Variants in COG5 observed in about 807,000 individuals in gnomAD.
The protein encoded by COG5 is component of oligomeric golgi complex 5.
In COG5, 86 loss-of-function variants were observed where a neutral mutation model predicts 110.4. The observed-to-expected ratio is 0.78, with a 90% CI of 0.65 to 0.93. COG5 has a LOEUF of 0.93. Among genes scored for constraint, COG5 ranks in the 40% least tolerant of loss-of-function variants. COG5 has a pLI of 0.00. For missense variants in COG5, 1,077 were observed against 987.0 expected (o/e 1.09, Z -1.22); for synonymous variants, 360 against 334.6 (o/e 1.08, Z -0.83).
At chr7:107,437,827 C>A (rs1456854810) in intron 6 of COG5, among the ~76,000 whole-genome samples, 1 of 152,140 alleles carries the variant, frequency 6.6e-6, no homozygotes. Flanking sequence ...CCAATATCCA[C>A]TTTCCCCTTG....
intron 11 of COG5, among the ~76,000 whole-genome samples, chr7:107,300,802 G>GA (rs1224062664): frequency 1.3e-5 from 2 of 151,954 alleles, no homozygotes; most frequent in Non-Finnish European, 2.9e-5. Flanking sequence ...AGTAGAAATT[G>GA]AAAAAATGAT....
intron 6 of COG5, among the ~76,000 whole-genome samples, chr7:107,424,016 T>TA (rs1584805424): frequency 6.6e-6 from 1 of 152,150 alleles, no homozygotes; most frequent in Non-Finnish European, 1.5e-5. Context: ...CTCACATCCA[T>TA]AATCCTGACA....
chr7:107,212,336 T>C lies in COG5; in HGVS notation c.2169-1111A>G, dbSNP rs186454803. ...ATAAAGCTCCAAACCAGACATTCCA[T>C]GAGAAGACGACTAAGGTCTTATGGC... On this transcript the variant is annotated intron_variant, in intron 19 of 21. Coordinates refer to ENST00000297135, the MANE Select transcript of COG5 (RefSeq NM_006348.5). Among the ~76,000 whole-genome samples, 53 of 152,338 alleles carry C rather than the reference T, an allele frequency of 3.5e-4. 1 individual carries two copies. The East Asian group carries it at 0.01, about 29-fold the overall frequency.
chr7:107,313,037 G>C (rs796246796), intron 11 of COG5, among the ~76,000 whole-genome samples: 3 of 152,224 alleles, frequency 2.0e-5, no homozygotes, highest in African/African-American at 4.8e-5. Flanking sequence ...GTGAGGCTTA[G>C]GAAACAAAAG....
intron 21 of COG5, chr7:107,210,082 A>T (rs1481772661): frequency 1.9e-6 from 2 of 1,040,008 alleles, no homozygotes; most frequent in East Asian, 1.5e-4. Context: ...ATGGTATCCA[A>T]GTGGCTGCTG....
intron 21 of COG5, 166 bp downstream of exon 21, chr7:107,210,360 A>G (rs980684733): frequency 5.6e-6 from 8 of 1,437,666 alleles, no homozygotes; most frequent in African/African-American, 2.9e-5. Flanking sequence ...AACATTTCCA[A>G]CTGCTGGTTG....
At chr7:107,212,862 C>G (rs531756237) in intron 19 of COG5, among the ~76,000 whole-genome samples, 1 of 152,342 alleles carries the variant, frequency 6.6e-6, no homozygotes, top group South Asian at 2.1e-4. Context: ...TCCCACTCCT[C>G]CAAGTCAGCA....
At chr7:107,244,485 T>G (rs1801894567) in intron 17 of COG5, among the ~76,000 whole-genome samples, 1 of 151,822 alleles carries the variant, frequency 6.6e-6, no homozygotes. Context: ...AGAGCTGAAC[T>G]GAGGAAAACA....
intron 5 of COG5, among the ~76,000 whole-genome samples, chr7:107,544,510 G>A (rs1337508472): frequency 6.6e-6 from 1 of 152,178 alleles, no homozygotes; most frequent in African/African-American, 2.4e-5. Flanking sequence ...ATAGTCTGCA[G>A]ACCAAACCTC....
At chr7:107,478,964 G>C (rs752733507) in intron 6 of COG5, among the ~76,000 whole-genome samples, 1 of 151,938 alleles carries the variant, frequency 6.6e-6, no homozygotes, top group Non-Finnish European at 1.5e-5. Flanking sequence ...AGTAAGCTTT[G>C]TGATTCAATT....
At chr7:107,234,933 C>T (rs759666192) in intron 18 of COG5, among the ~76,000 whole-genome samples, 15 of 151,792 alleles carry the variant, frequency 9.9e-5, no homozygotes, top group Admixed American at 3.9e-4. Context: ...TGTACAGGTG[C>T]CTAAGAATGA....
At chr7:107,395,672 A>G (rs779241811) in intron 7 of COG5, among the ~76,000 whole-genome samples, 1 of 147,108 alleles carries the variant, frequency 6.8e-6, no homozygotes, top group Non-Finnish European at 1.5e-5. Context: ...CTCCTGCCTC[A>G]GCCTCCCAAG....
intron 8 of COG5, 37 bp from the exon 9 acceptor site, chr7:107,362,457 T>C (rs1475225514): frequency 2.9e-6 from 4 of 1,379,916 alleles, no homozygotes; most frequent in South Asian, 1.2e-5. Context: ...AAAAATAAAG[T>C]TTTCCAAAGG....
intron 21 of COG5, chr7:107,209,737 G>A (rs1171998903): frequency 1.7e-5 from 14 of 831,098 alleles, no homozygotes; most frequent in African/African-American, 7.4e-5. Flanking sequence ...TCGTATCCTC[G>A]GTTCCTGGCC....
chr7:107,327,757 T>C (rs531371713), intron 10 of COG5, among the ~76,000 whole-genome samples: 1 of 152,180 alleles, frequency 6.6e-6, no homozygotes, highest in Non-Finnish European at 1.5e-5. Flanking sequence ...AGATGTCATC[T>C]CACATCCATT....
chr7:107,500,194 T>G (rs1007084415), intron 6 of COG5, among the ~76,000 whole-genome samples: 18 of 152,174 alleles, frequency 1.2e-4, no homozygotes, highest in African/African-American at 4.1e-4. Context: ...GCATCCTGTC[T>G]TGAAAAATAA....
chr7:107,283,693 C>CT lies in COG5; in HGVS notation c.1352dup (p.Ala452GlyfsTer25). 6.2e-7 allele frequency: 1 copy of CT among 1,613,932 alleles called. No homozygotes were observed. Among genetic ancestry groups the CT allele is most frequent in the African/African-American group, 1.3e-5 (1 of 75,008 alleles). On this transcript the variant is annotated frameshift_variant, in exon 13 of 22. Coordinates refer to ENST00000297135, the MANE Select transcript of COG5 (RefSeq NM_006348.5). LOFTEE classifies it high-confidence loss of function. ...ATAAGGATTTTGATAGATAAGCAGC[C>CT]TCATAGGGTTGTAGTGAGTCTTTCA...
At chr7:107,260,821 T>C (rs756810333) in intron 14 of COG5, among the ~76,000 whole-genome samples, 6 of 152,138 alleles carry the variant, frequency 3.9e-5, no homozygotes, top group Non-Finnish European at 7.4e-5. Flanking sequence ...TCCAAAAGAC[T>C]GGAGATGTAA....
chr7:107,373,634 G>C (rs565440247), intron 7 of COG5, among the ~76,000 whole-genome samples: 5 of 152,216 alleles, frequency 3.3e-5, no homozygotes, highest in African/African-American at 1.2e-4. Flanking sequence ...CAGAAGATGA[G>C]GGAGGTATTG....
Sources: gnomAD v4.1 joint callset for allele counts (sites outside exome capture counted in the v4.1 genomes callset) on GRCh38, gnomAD v4.1.1 for gene constraint, MANE v1.5 for transcripts, NCBI Gene and HGNC (gene_info 2026-07-23, HGNC 2026-07-21) for gene names.